The following SEMA4D variants were observed in gnomAD, a reference collection of about 807,000 sequenced individuals.
SEMA4D encodes the protein semaphorin 4D, also known as semaphorin-4D.
SEMA4D carries 22 observed loss-of-function variants against 74.8 expected under a neutral mutation model. The observed-to-expected ratio is 0.29, with a 90% CI of 0.21 to 0.42. The LOEUF (loss-of-function observed/expected upper bound fraction) is 0.42, where lower values mean the gene tolerates loss of function less well. Among genes scored for constraint, SEMA4D ranks in the 10% least tolerant of loss-of-function variants. The pLI is 1.00. For synonymous variants in SEMA4D, 445 were observed against 463.7 expected, an observed-to-expected ratio of 0.96 and a Z score of 0.52; for missense variants, 937 against 1,118.4, an observed-to-expected ratio of 0.84 and a Z score of 2.31.
chr9:89,362,312 G>T (rs1258259789), exon 19 of SEMA4D: 1 of 1,609,970 alleles, frequency 6.2e-7, no homozygotes, highest in East Asian at 2.2e-5. Flanking sequence ...ACAGTTGTGG[G>T]GGACCAGGCC....
intron 6 of SEMA4D, among the ~76,000 whole-genome samples, chr9:89,394,346 T>C (rs543055071): frequency 2.0e-5 from 3 of 151,826 alleles, no homozygotes; most frequent in East Asian, 3.9e-4. Flanking sequence ...TGTGACAAAC[T>C]GGGGGAAATG....
intron 1 of SEMA4D, among the ~76,000 whole-genome samples, chr9:89,465,129 G>A (rs1441972811): frequency 3.3e-5 from 5 of 152,158 alleles, no homozygotes; most frequent in African/African-American, 1.2e-4. Flanking sequence ...TCTCACGCTG[G>A]CTCAGACCCA....
chr9:89,387,398 A>C lies in SEMA4D; in HGVS notation c.1318T>G (p.Phe440Val), dbSNP rs1259394288. ...CCTCGGAACCCACCTGTGCTGACAA[A>C]CATGACATCATAGACAGTCCCATCC... Reference protein sequence around the residue: ...ALDGTVYDVMFVSTDRGALHK... With the variant: ...ALDGTVYDVMVVSTDRGALHK... Residue 440 changes from phenylalanine to valine, a missense_variant, in exon 12 of 16, where the codon TTT becomes GTT. By Grantham distance (50) the Phe-to-Val change is conservative. Coordinates refer to ENST00000422704, the MANE Select transcript of SEMA4D (RefSeq NM_001371194.2). 6.2e-7 allele frequency: 1 copy of C among 1,610,080 alleles called. No individual in the cohort carries two copies. Among genetic ancestry groups the C allele is most frequent in the Non-Finnish European group, 8.5e-7 (1 of 1,176,472 alleles).
intron 2 of SEMA4D, among the ~76,000 whole-genome samples, chr9:89,432,079 G>A (rs999944522): frequency 6.6e-6 from 1 of 151,980 alleles, no homozygotes; most frequent in Non-Finnish European, 1.5e-5. Flanking sequence ...TGGCACAGGA[G>A]CCTGGTGGCC....
At chr9:89,450,660 G>GGGAAAAAAAAAAAAAAAAAAA (rs1491451024) in intron 2 of SEMA4D, 2 of 430,444 alleles carry the variant, frequency 4.6e-6, no homozygotes, top group South Asian at 2.4e-5. Flanking sequence ...AAAAACCCAG[G>GGGAAAAAAAAAAAAAAAAAAA]AAAAAAAAAA....
At chr9:89,472,405 A>G in intron 1 of SEMA4D, 1 of 322,308 alleles carries the variant, frequency 3.1e-6, no homozygotes, top group Non-Finnish European at 6.1e-6. Context: ...TGGGCATCCA[A>G]GAACAATTTA....
At chr9:89,377,146 G>A (rs530021870), downstream of SEMA4D, 33 of 1,444,946 alleles carry the variant, frequency 2.3e-5, no homozygotes, top group Middle Eastern at 1.7e-3. Context: ...AGCAGGAAAC[G>A]GACAGAAAAG....
In SEMA4D at chr9:89,378,975, A is replaced by G; in HGVS notation, c.2318T>C (p.Ile773Thr). Residue 773 changes from isoleucine to threonine, a missense_variant, in exon 16 of 16, where the codon ATT becomes ACT. Physicochemically the swap from Ile to Thr is moderately conservative, Grantham distance 89 (BLOSUM62 -1). Coordinates refer to ENST00000422704, the MANE Select transcript of SEMA4D (RefSeq NM_001371194.2). The stretch of plus-strand genomic sequence containing the variant: ...ATCTGACTTGGGCTTCTTCTTCCCA[A>G]TTAGTAGGGCCGAGCGGAATTTCAA... ...QCLKFRSALLIGKKKPKSDFC... is the reference protein window; with the variant it reads ...QCLKFRSALLTGKKKPKSDFC... 5 of 1,614,016 alleles carry G rather than the reference A, an allele frequency of 3.1e-6. No homozygotes were observed. The South Asian group carries it at 5.5e-5, about 18-fold the overall frequency.
rs554858669 is a variant in SEMA4D, at chr9:89,402,692, A to G, written c.252+179T>C. ...TCATAATAAAAAGTTCAAAAAAAAA[A>G]AAAGCAAAGAGGGTGGTCCCCGGGT... On this transcript the variant is annotated intron_variant, in intron 4 of 15. Coordinates refer to ENST00000422704, the MANE Select transcript of SEMA4D (RefSeq NM_001371194.2). 2.0e-5 allele frequency among the ~76,000 whole-genome samples: 3 copies of G among 152,126 alleles called. No homozygotes were observed. The East Asian group carries it at 5.8e-4, about 29-fold the overall frequency.
intron 1 of SEMA4D, among the ~76,000 whole-genome samples, chr9:89,459,470 T>G (rs1306363003): frequency 2.6e-5 from 4 of 152,212 alleles, no homozygotes; most frequent in Non-Finnish European, 4.4e-5. Flanking sequence ...GAAAGTCATT[T>G]CAGGGAGTGA....
intron 11 of SEMA4D, 128 bp downstream of exon 11, chr9:89,388,508 T>C: frequency 8.7e-7 from 1 of 1,146,924 alleles, no homozygotes. Context: ...CGGCCGTCCC[T>C]GTCCCAATGC....
chr9:89,373,543 A>G (rs2132525869), downstream of SEMA4D, among the ~76,000 whole-genome samples: 1 of 152,324 alleles, frequency 6.6e-6, no homozygotes, highest in Admixed American at 6.5e-5. Context: ...AGCTACAGGC[A>G]CCAGGACGCA....
intron 4 of SEMA4D, among the ~76,000 whole-genome samples, chr9:89,402,005 G>A (rs1279414278): frequency 2.0e-5 from 3 of 152,004 alleles, no homozygotes; most frequent in Non-Finnish European, 4.4e-5. Context: ...GGATGAGCCT[G>A]GATCTGACAC....
intron 13 of SEMA4D, chr9:89,385,401 C>A: frequency 2.0e-6 from 2 of 985,382 alleles, no homozygotes; most frequent in Non-Finnish European, 2.4e-6. Context: ...GCTTCTGGGT[C>A]CCCTTCTTTC....
intron 2 of SEMA4D, among the ~76,000 whole-genome samples, chr9:89,432,292 C>A (rs1465515304): frequency 7.2e-5 from 11 of 152,206 alleles, no homozygotes; most frequent in Non-Finnish European, 1.0e-4. Context: ...TGGATTGGGT[C>A]ATTTTTACTA....
rs555251491 is a variant in SEMA4D at position 89,447,607 on chromosome 9, G to A, written c.-244+8281C>T. Among the ~76,000 whole-genome samples the A allele has an allele frequency of 1.2e-3, 188 of 152,096 alleles. 2 individuals are homozygous for A. The highest frequency in any genetic ancestry group is 4.3e-3 in the African/African-American group (177 of 41,500). Reference sequence around the variant, plus strand: ...CACTCCTCATCGACATTGCTGCACCGTGCCCACACCAGCACCGCTCTCCCA... The same window carrying A: ...CACTCCTCATCGACATTGCTGCACCATGCCCACACCAGCACCGCTCTCCCA... On this transcript the variant is annotated intron_variant, in intron 2 of 15. Transcript: ENST00000422704.
At chr9:89,407,735 T>A (rs1456385700) in intron 2 of SEMA4D, among the ~76,000 whole-genome samples, 1 of 152,156 alleles carries the variant, frequency 6.6e-6, no homozygotes, top group African/African-American at 2.4e-5. Context: ...CTGCTCCTCA[T>A]CCACACTCCC....
intron 6 of SEMA4D, among the ~76,000 whole-genome samples, chr9:89,395,001 CAT>C (rs967233470): frequency 1.3e-5 from 2 of 152,240 alleles, no homozygotes; most frequent in South Asian, 2.1e-4. Context: ...CACAGACACA[CAT>C]GTGGACACAT....
At chr9:89,389,145 C>T (rs1440661825) in intron 9 of SEMA4D, 98 bp from the exon 10 acceptor site, 41 of 1,282,382 alleles carry the variant, frequency 3.2e-5, no homozygotes, top group African/African-American at 1.2e-4. Flanking sequence ...CAGCACAGCG[C>T]GGCTGTGCCT....
Sources: allele counts gnomAD v4.1 joint callset (sites outside exome capture counted in the v4.1 genomes callset), GRCh38; gene constraint gnomAD v4.1.1; transcripts MANE v1.5; gene names NCBI Gene and HGNC (gene_info 2026-07-23, HGNC 2026-07-21).